PGM5: variants seen among roughly 807,000 people sequenced by gnomAD.
The protein encoded by PGM5 is phosphoglucomutase 5.
Under a neutral mutation model 59.2 loss-of-function variants are expected in PGM5, and 23 were observed. The observed-to-expected ratio is 0.39, with a 90% CI of 0.28 to 0.55. The LOEUF is 0.55. Ranked by LOEUF, PGM5 falls within the 20% of genes least tolerant of loss-of-function variation. The pLI is 0.66. For missense variants in PGM5, 574 were observed against 748.3 expected (o/e 0.77, Z 2.72); for synonymous variants, 214 against 286.0 (o/e 0.75, Z 2.54).
chr9:68,434,755 G>C, intron 6 of PGM5, among the ~76,000 whole-genome samples: 1 of 151,262 alleles, frequency 6.6e-6, no homozygotes, highest in East Asian at 1.9e-4. Context: ...GCACCACTGC[G>C]CTCCAGACTG....
At chr9:68,402,199 G>A (rs1232594725) in intron 6 of PGM5, among the ~76,000 whole-genome samples, 1 of 152,244 alleles carries the variant, frequency 6.6e-6, no homozygotes. Context: ...GGGAGGCAGA[G>A]CTTGCAGTGA....
At chr9:68,456,916 G>A (rs1206657066) in intron 6 of PGM5, among the ~76,000 whole-genome samples, 2 of 152,124 alleles carry the variant, frequency 1.3e-5, no homozygotes, top group Non-Finnish European at 2.9e-5. Flanking sequence ...GTGAGCCACT[G>A]TGCCCAGCCT....
At chr9:68,422,390 A>G (rs1587803931) in intron 6 of PGM5, among the ~76,000 whole-genome samples, 2 of 152,104 alleles carry the variant, frequency 1.3e-5, no homozygotes, top group South Asian at 4.1e-4. Context: ...ACCTCTTGGT[A>G]ACAAAACTGA....
chr9:68,479,593 A>G (rs933771958), intron 8 of PGM5, 40 bp downstream of exon 8: 8 of 1,599,872 alleles, frequency 5.0e-6, no homozygotes, highest in Non-Finnish European at 6.8e-6. Flanking sequence ...GACCCTGAAG[A>G]ACTACTCCTA....
chr9:68,450,712 A>G (rs1264577549), intron 6 of PGM5, among the ~76,000 whole-genome samples: 2 of 152,220 alleles, frequency 1.3e-5, no homozygotes, highest in Admixed American at 6.5e-5. Flanking sequence ...ATATGTTATA[A>G]GTGAAGGATC....
In PGM5 at chr9:68,483,862, C is replaced by T. The variant is rs1824240464; in HGVS notation, c.1296-3C>T. The T allele has an allele frequency of 6.2e-7, 1 of 1,613,634 alleles. No homozygotes were observed. The highest frequency in any genetic ancestry group is 1.1e-5 in the South Asian group (1 of 91,064). On this transcript the variant is annotated splice_region_variant and splice_polypyrimidine_tract_variant and intron_variant, in intron 8 of 10. Transcript: ENST00000396396. Reference sequence around the variant, plus strand: ...GTTTCTGTTCCTCCTGTGTCCTCACCAGGTTTGACTATGAGGGGTTGGATC... The same window carrying T: ...GTTTCTGTTCCTCCTGTGTCCTCACTAGGTTTGACTATGAGGGGTTGGATC...
At chr9:68,503,473 G>C (rs928806338) in intron 10 of PGM5, among the ~76,000 whole-genome samples, 8 of 152,228 alleles carry the variant, frequency 5.3e-5, no homozygotes, top group Admixed American at 2.0e-4. Context: ...TACTGAATGT[G>C]TATCTCTTTC....
intron 10 of PGM5, among the ~76,000 whole-genome samples, chr9:68,509,748 AG>A (rs1824717114): frequency 6.6e-6 from 1 of 152,176 alleles, no homozygotes; most frequent in Non-Finnish European, 1.5e-5. Context: ...TAATTTCAGC[AG>A]GCTCTGGGGC....
intron 9 of PGM5, among the ~76,000 whole-genome samples, chr9:68,487,856 C>A (rs1157851389): frequency 2.0e-5 from 3 of 152,182 alleles, no homozygotes; most frequent in Non-Finnish European, 4.4e-5. Context: ...GGCTTGAAGT[C>A]AGAAAGTTTT....
chr9:68,383,740 T>TAAAA (rs61055122), intron 2 of PGM5, among the ~76,000 whole-genome samples: 1 of 106,270 alleles, frequency 9.4e-6, no homozygotes, highest in Non-Finnish European at 1.9e-5. Context: ...ATATACAAGG[T>TAAAA]AAAAAAAAAA....
Position 68,437,612 on chromosome 9 carries a change from T to C in PGM5, c.1044-27481T>C, listed in dbSNP as rs778293801. 1.3e-3 allele frequency among the ~76,000 whole-genome samples: 195 copies of C among 151,902 alleles called. No homozygotes were observed. Among genetic ancestry groups the C allele is most frequent in the Non-Finnish European group, 2.0e-3 (134 of 67,954 alleles). ...ACACACACACACACTCTCACACATT[T>C]TACCCACACATGCATATACTGTATA... On this transcript the variant is annotated intron_variant, in intron 6 of 10. Transcript: ENST00000396396. This position sits in a 1 kb window ranked among gnomAD's most constrained non-coding sequence, Gnocchi z 4.1.
intron 6 of PGM5, among the ~76,000 whole-genome samples, chr9:68,451,309 T>G (rs2132070258): frequency 6.6e-6 from 1 of 152,346 alleles, no homozygotes; most frequent in Middle Eastern, 3.4e-3. Context: ...ATTCTTAAAT[T>G]TAATATTCAA....
At chr9:68,483,820 G>T (rs782279448) in intron 8 of PGM5, 45 bp from the exon 9 acceptor site, 1 of 1,579,618 alleles carries the variant, frequency 6.3e-7, no homozygotes, top group Non-Finnish European at 8.7e-7. Context: ...CCACCCAGTT[G>T]CTGGTTCTCT....
rs1336106293 is a variant in PGM5 at position 68,377,320 on chromosome 9, T to G, written c.262-879T>G. 2.6e-5 allele frequency among the ~76,000 whole-genome samples: 4 copies of G among 152,168 alleles called. No individual in the cohort carries two copies. The East Asian group carries it at 7.7e-4, about 29-fold the overall frequency. ...TTTATTACTGAGCTTGGCTGAACAT[T>G]GGAATCATCTGTGGAGCTTTAAAAC... is the stretch of plus-strand genomic sequence containing the variant. On this transcript the variant is annotated intron_variant, in intron 1 of 10. Coordinates refer to ENST00000396396, the MANE Select transcript of PGM5 (RefSeq NM_021965.4).
intron 2 of PGM5, among the ~76,000 whole-genome samples, chr9:68,380,240 C>G (rs1416977212): frequency 6.6e-6 from 1 of 152,078 alleles, no homozygotes; most frequent in African/African-American, 2.4e-5. Flanking sequence ...GAAATCATGT[C>G]TAGTATTGTT....
intron 6 of PGM5, among the ~76,000 whole-genome samples, chr9:68,421,058 G>T (rs183199450): frequency 1.3e-5 from 2 of 152,336 alleles, no homozygotes; most frequent in East Asian, 1.9e-4. Flanking sequence ...AATGTGTGAT[G>T]AGTATATGTG....
At chr9:68,493,061 T>C (rs569600381) in intron 9 of PGM5, among the ~76,000 whole-genome samples, 1 of 152,278 alleles carries the variant, frequency 6.6e-6, no homozygotes, top group South Asian at 2.1e-4. Context: ...CTGTACCAGA[T>C]TGCAGGGCCA....
At chr9:68,503,040 C>T (rs1468910434) in intron 10 of PGM5, among the ~76,000 whole-genome samples, 1 of 152,120 alleles carries the variant, frequency 6.6e-6, no homozygotes, top group Non-Finnish European at 1.5e-5. Context: ...ACAACTAATA[C>T]CTAAGAACCA....
chr9:68,384,221 C>G (rs1822156117), intron 2 of PGM5, among the ~76,000 whole-genome samples, 177 bp from the exon 3 acceptor site: 1 of 151,846 alleles, frequency 6.6e-6, no homozygotes, highest in Non-Finnish European at 1.5e-5. Context: ...TCAAATTTCC[C>G]CCATAGTGGA....
Sources: gnomAD v4.1 joint callset for allele counts (sites outside exome capture counted in the v4.1 genomes callset) on GRCh38, gnomAD v4.1.1 for gene constraint, Gnocchi (gnomAD v3.1) non-coding constraint, MANE v1.5 for transcripts, NCBI Gene and HGNC (gene_info 2026-07-23, HGNC 2026-07-21) for gene names.